Variants in PCM1 observed in about 807,000 individuals in gnomAD.
PCM1 encodes the protein pericentriolar material 1 protein.
In PCM1, 157 loss-of-function variants were observed where a neutral mutation model predicts 241.9. That is an observed-to-expected ratio of 0.65 (90% CI 0.57 to 0.74). PCM1 has a LOEUF of 0.74. PCM1 is among the 30% of genes least tolerant of loss of function. The pLI, the probability that PCM1 is intolerant of heterozygous loss-of-function variation, is 0.00. For synonymous variants in PCM1, 1,085 were observed against 784.9 expected (o/e 1.38, Z -6.39); for missense variants, 3,478 against 2,360.1 (o/e 1.47, Z -9.81).
rs2064247094 is a variant in PCM1, at chr8:17,947,432, G to A, written c.961+69G>A. 7.3e-6 allele frequency: 8 copies of A among 1,102,854 alleles called. 1 individual carries two copies. Among genetic ancestry groups the A allele is most frequent in the Non-Finnish European group, 7.8e-6 (6 of 764,626 alleles). 68.3% of individuals were successfully genotyped at this position (1,102,854 alleles called of 1,614,324 possible). A position where few individuals can be genotyped will look rare whatever the true frequency, so the allele number is the denominator to read the frequency against. On this transcript the variant is annotated intron_variant, in intron 7 of 38. Transcript: ENST00000325083. ...TACATAATTGTATTGCAGGGTGGAT[G>A]CTGATTATTACATAATCAGATCTTG...
intron 6 of PCM1, 150 bp from the exon 7 acceptor site, chr8:17,947,036 T>C: frequency 1.9e-6 from 1 of 512,844 alleles, no homozygotes; most frequent in East Asian, 3.1e-5. Flanking sequence ...CATTCTGTTC[T>C]TACTCTTTTT....
chr8:17,979,781 T>C (rs12550542), intron 23 of PCM1, among the ~76,000 whole-genome samples: 68,409 of 131,704 alleles, frequency 0.52, 17,198 homozygotes, highest in Middle Eastern at 0.62. Context: ...AGATTGTTTT[T>C]AAAATTAAAA....
intron 7 of PCM1, among the ~76,000 whole-genome samples, chr8:17,949,538 C>T (rs970677718): frequency 4.8e-5 from 1 of 20,946 alleles, no homozygotes; most frequent in African/African-American, 2.0e-4. Context: ...GCTCTGTCAC[C>T]CAGGCTGGAA....
chr8:17,960,459 T>G lies in PCM1; in HGVS notation c.2322+15T>G, dbSNP rs765266824. The G allele has an allele frequency of 1.3e-5, 20 of 1,570,326 alleles. No homozygotes were observed. The highest frequency in any genetic ancestry group is 1.5e-5 in the Non-Finnish European group (17 of 1,163,868). On this transcript the variant is annotated intron_variant, in intron 15 of 38. Coordinates refer to ENST00000325083, the MANE Select transcript of PCM1 (RefSeq NM_006197.4). ...CTGACTTACAGGTAATTATGAAATT[T>G]ATTTCTAATTGTCTGAAAAAAGATG...
intron 23 of PCM1, among the ~76,000 whole-genome samples, chr8:17,976,060 C>T (rs1192175569): frequency 6.6e-6 from 1 of 152,100 alleles, no homozygotes; most frequent in Non-Finnish European, 1.5e-5. Flanking sequence ...TTCTTACTGT[C>T]CTTGAATCTT....
intron 29 of PCM1, among the ~76,000 whole-genome samples, chr8:17,994,570 A>C (rs1005507724): frequency 6.6e-6 from 1 of 152,280 alleles, no homozygotes; most frequent in African/African-American, 2.4e-5. Flanking sequence ...TTGCTGGATC[A>C]TATGGTAGCT....
intron 15 of PCM1, among the ~76,000 whole-genome samples, chr8:17,961,493 A>G (rs1176033236): frequency 6.6e-6 from 1 of 151,636 alleles, no homozygotes; most frequent in South Asian, 2.1e-4. Flanking sequence ...TTGTATTTTT[A>G]GTAGAGACGG....
chr8:17,974,810 C>T (rs879483734), intron 23 of PCM1, among the ~76,000 whole-genome samples: 2 of 151,692 alleles, frequency 1.3e-5, no homozygotes, highest in Admixed American at 1.3e-4. Flanking sequence ...GTCACATTTG[C>T]TCAACAAGCA....
In PCM1 at chr8:17,966,005, G is replaced by C. The variant is rs200466438; in HGVS notation, c.2862G>C (p.Lys954Asn). The stretch of plus-strand genomic sequence containing the variant: ...GCTTTCAATCTTGTGTTAGGTGGAA[G>C]AACAATTGCCCTTTTTCGGCAGATG... ...YNGKETKNRWKNNCPFSADEN... is the reference protein window; with the variant it reads ...YNGKETKNRWNNNCPFSADEN... The change falls in exon 19 of 39, where the codon AAG becomes AAC. Residue 954 changes from lysine (K) to asparagine (N), a missense_variant. Coordinates refer to ENST00000325083, the MANE Select transcript of PCM1 (RefSeq NM_006197.4). 5.7e-5 allele frequency: 91 copies of C among 1,608,094 alleles called. No individual in the cohort carries two copies. Among genetic ancestry groups the C allele is most frequent in the Middle Eastern group, 3.3e-4 (2 of 6,036 alleles).
rs1225787137 is a variant in PCM1 at position 18,028,324 on chromosome 8, G to A, written c.*662G>A. ...TCTAGAACTTACATCATTATCATCT[G>A]TTTGTTAGGATTTGAAATTCTGGAA... On this transcript the variant is annotated 3_prime_UTR_variant, in exon 39 of 39. Transcript: ENST00000325083. 5.4e-6 allele frequency: 1 copy of A among 186,774 alleles called. No individual in the cohort carries two copies. The highest frequency in any genetic ancestry group is 2.4e-5 in the African/African-American group (1 of 41,790). The allele number at this position is 186,774 out of a possible 1,614,324, so 11.6% of individuals were successfully genotyped here.
chr8:17,938,480 G>C (rs930012248), intron 4 of PCM1, among the ~76,000 whole-genome samples: 1 of 152,142 alleles, frequency 6.6e-6, no homozygotes, highest in African/African-American at 2.4e-5. Flanking sequence ...TACTCAAGCT[G>C]TACTTCATTT....
At chr8:18,025,150 TTTG>T in intron 36 of PCM1, 5 of 235,964 alleles carry the variant, frequency 2.1e-5, no homozygotes, top group Non-Finnish European at 3.2e-5. Flanking sequence ...TTTTTTTTTT[TTTG>T]TGACAAAATG....
intron 36 of PCM1, among the ~76,000 whole-genome samples, chr8:18,020,240 C>G (rs2237851): frequency 0.45 from 69,051 of 151,960 alleles, 17,482 homozygotes; most frequent in Non-Finnish European, 0.59. Flanking sequence ...GCTTATTATA[C>G]GTTACAGTTA....
At chr8:17,972,132 T>A (rs2077059181) in intron 22 of PCM1, among the ~76,000 whole-genome samples, 197 bp from the exon 23 acceptor site, 1 of 152,218 alleles carries the variant, frequency 6.6e-6, no homozygotes, top group South Asian at 2.1e-4. Flanking sequence ...GTGAGATGGG[T>A]CCAGAATTAA....
At chr8:18,025,522 AT>A in intron 37 of PCM1, 21 bp from the exon 38 acceptor site, 1 of 1,544,580 alleles carries the variant, frequency 6.5e-7, no homozygotes, top group Non-Finnish European at 8.9e-7. Context: ...AATGATTTGT[AT>A]TTTTAATTTT....
Position 17,939,758 on chromosome 8 carries a change from T to C in PCM1, c.680T>C (p.Val227Ala), listed in dbSNP as rs1252659826. 1.3e-6 allele frequency: 2 copies of C among 1,555,312 alleles called. No homozygotes were observed. The highest frequency in any genetic ancestry group is 1.4e-5 in the African/African-American group (1 of 73,696). The change falls in exon 6 of 39, where the codon GTA becomes GCA. Residue 227 changes from valine (V) to alanine (A), a missense_variant. Physicochemically the swap from Val to Ala is moderately conservative, Grantham distance 64 (BLOSUM62 0). Transcript: ENST00000325083. Reference sequence around the variant, plus strand: ...GCTAGTTCCATGCGGGAAGATCTTGTAGAGAAAAATGAGAGATCTGCTAAT... The same window carrying C: ...GCTAGTTCCATGCGGGAAGATCTTGCAGAGAAAAATGAGAGATCTGCTAAT... ...TKASSMREDLVEKNERSANVE... is the reference protein window; with the variant it reads ...TKASSMREDLAEKNERSANVE...
Position 18,027,656 on chromosome 8 carries a change from T to C in PCM1, c.6069T>C (p.Ser2023=). ...TTTCAGAAACGGTGGGAGCCCAGAG[T>C]ATATGAGATGTCTTCAGAGGCTCAT... ...LKEPETVGAQ[S]I Residue 2023 remains serine, a synonymous_variant, in exon 39 of 39, where the codon AGT becomes AGC. Transcript: ENST00000325083. The C allele has an allele frequency of 5.7e-6, 9 of 1,587,518 alleles. No individual in the cohort carries two copies. The highest frequency in any genetic ancestry group is 1.3e-5 in the African/African-American group (1 of 74,718).
chr8:17,960,052 A>C lies in PCM1; in HGVS notation c.2079A>C (p.Ala693=). The C allele has an allele frequency of 6.2e-7, 1 of 1,612,758 alleles. No homozygotes were observed. The highest frequency in any genetic ancestry group is 1.1e-5 in the South Asian group (1 of 90,756). Residue 693 remains alanine, a synonymous_variant, in exon 14 of 39, where the codon GCA becomes GCC. Transcript: ENST00000325083. ...DAAQGVISAS[A]SNLDDFYPAE... is the part of the protein sequence containing the mutation. The stretch of plus-strand genomic sequence containing the variant: ...CTCAAGGAGTTATCTCTGCCAGTGC[A>C]TCAAATTTGGATGATTTCTACCCAG...
intron 29 of PCM1, among the ~76,000 whole-genome samples, chr8:18,001,556 ACTT>A (rs1163526272): frequency 2.6e-5 from 4 of 152,340 alleles, no homozygotes; most frequent in Admixed American, 6.5e-5. Flanking sequence ...GGAAGACAGG[ACTT>A]CTTTCTGAGA....
Sources: gnomAD v4.1 joint callset for allele counts (sites outside exome capture counted in the v4.1 genomes callset) on GRCh38, gnomAD v4.1.1 for gene constraint, MANE v1.5 for transcripts, NCBI Gene and HGNC (gene_info 2026-07-23, HGNC 2026-07-21) for gene names.